Variants in NRF1 observed in about 807,000 individuals in gnomAD.
NRF1 encodes nuclear respiratory factor 1, also known as alpha palindromic-binding protein.
NRF1 carries 5 observed loss-of-function variants against 58.5 expected under a neutral mutation model. The observed-to-expected ratio is 0.09, with a 90% CI of 0.04 to 0.18. The LOEUF is 0.18. Ranked by LOEUF, NRF1 falls within the 10% of genes least tolerant of loss-of-function variation. The probability of loss-of-function intolerance (pLI) is 1.00; values close to 1 mark genes in which losing one functional copy is unlikely to be tolerated. For synonymous variants in NRF1, 224 were observed against 246.7 expected (o/e 0.91, Z 0.86); for missense variants, 288 against 657.7 (o/e 0.44, Z 6.15).
chr7:129,647,277 G>A (rs73159618), intron 1 of NRF1, among the ~76,000 whole-genome samples: 122 of 152,104 alleles, frequency 8.0e-4, no homozygotes, highest in Middle Eastern at 3.4e-3. Context: ...CGATCTGCCC[G>A]CCTCTGGCCT....
intron 3 of NRF1, among the ~76,000 whole-genome samples, chr7:129,674,450 T>G (rs770686010): frequency 6.6e-6 from 1 of 152,166 alleles, no homozygotes; most frequent in East Asian, 1.9e-4. Flanking sequence ...TACTTTTTTT[T>G]TGGAGACAGA....
At chr7:129,673,720 A>AT (rs1802108714) in intron 3 of NRF1, among the ~76,000 whole-genome samples, 1 of 151,292 alleles carries the variant, frequency 6.6e-6, no homozygotes, top group Non-Finnish European at 1.5e-5. Flanking sequence ...CCGTCTCAAA[A>AT]AAAAAAAAAA....
intron 1 of NRF1, among the ~76,000 whole-genome samples, chr7:129,620,255 G>A (rs1584578391): frequency 6.6e-6 from 1 of 152,116 alleles, no homozygotes; most frequent in East Asian, 1.9e-4. Context: ...CCAAAGCAAA[G>A]CTTAACCGAT....
At chr7:129,752,889 G>GGCCTCTCTCCTCCTCCTTTCAGGCCT (rs1472617268) in intron 10 of NRF1, among the ~76,000 whole-genome samples, 3 of 152,106 alleles carry the variant, frequency 2.0e-5, no homozygotes, top group Non-Finnish European at 4.4e-5. Flanking sequence ...CTTGGAGGCT[G>GGCCTCTCTCCTCCTCCTTTCAGGCCT]GCCTCTCTCC....
intron 10 of NRF1, among the ~76,000 whole-genome samples, chr7:129,736,525 G>A (rs1034607122): frequency 6.6e-6 from 1 of 152,040 alleles, no homozygotes; most frequent in African/African-American, 2.4e-5. Context: ...TGGGATTTCA[G>A]GCATGAGCCA....
At chr7:129,735,630 G>T (rs1408916426) in intron 10 of NRF1, among the ~76,000 whole-genome samples, 3 of 151,836 alleles carry the variant, frequency 2.0e-5, no homozygotes, top group Non-Finnish European at 4.4e-5. Flanking sequence ...TATCCTCAGG[G>T]TAGCGTGTCC....
At chr7:129,740,902 G>A (rs1584688416) in intron 10 of NRF1, among the ~76,000 whole-genome samples, 1 of 152,148 alleles carries the variant, frequency 6.6e-6, no homozygotes, top group African/African-American at 2.4e-5. Context: ...ACAATGAGAT[G>A]ATAGGCCAGT....
At chr7:129,649,097 T>G (rs1156474918) in intron 1 of NRF1, among the ~76,000 whole-genome samples, 2 of 152,216 alleles carry the variant, frequency 1.3e-5, no homozygotes, top group Non-Finnish European at 2.9e-5. Context: ...TGATTCTATT[T>G]TCACTCTGAC....
chr7:129,636,600 A>T (rs1801173667), intron 1 of NRF1, among the ~76,000 whole-genome samples: 3 of 152,158 alleles, frequency 2.0e-5, no homozygotes, highest in Admixed American at 1.3e-4. Context: ...TATGCCTGTG[A>T]ACATTTATCT....
intron 1 of NRF1, among the ~76,000 whole-genome samples, chr7:129,626,891 A>T (rs1171737414): frequency 2.6e-5 from 4 of 152,248 alleles, no homozygotes; most frequent in Non-Finnish European, 5.9e-5. Flanking sequence ...ACAAATGTAC[A>T]TCTAATGATT....
At chr7:129,671,783 T>C (rs1802053498) in intron 3 of NRF1, among the ~76,000 whole-genome samples, 1 of 152,234 alleles carries the variant, frequency 6.6e-6, no homozygotes, top group South Asian at 2.1e-4. Context: ...GTGCAAGCCA[T>C]TGTTGTAGAC....
At chr7:129,647,913 G>A (rs940742414) in intron 1 of NRF1, among the ~76,000 whole-genome samples, 2 of 152,182 alleles carry the variant, frequency 1.3e-5, no homozygotes, top group Non-Finnish European at 2.9e-5. Flanking sequence ...AGTTCTTAAC[G>A]TAAGAAGGGA....
intron 10 of NRF1, among the ~76,000 whole-genome samples, chr7:129,749,304 GTGAAGTAAAGGA>G (rs1285638139): frequency 4.6e-5 from 7 of 152,132 alleles, no homozygotes; most frequent in Non-Finnish European, 8.8e-5. Context: ...CATTGGATGT[GTGAAGTAAAGGA>G]TGACTTCAGA....
rs77851031 is a variant in NRF1 at position 129,689,173 on chromosome 7, A to G, written c.466-1233A>G. On this transcript the variant is annotated intron_variant, in intron 4 of 10. Transcript: ENST00000393232. ...CTCTTATCCCCTTAGTTATTGACCT[A>G]TTTGGAGGATTCTTCAACTGCAGAA... Among the ~76,000 whole-genome samples the G allele has an allele frequency of 4.1e-4, 62 of 152,264 alleles. No homozygotes were observed. The East Asian group carries it at 0.012, about 29-fold the overall frequency.
intron 1 of NRF1, among the ~76,000 whole-genome samples, chr7:129,628,969 C>A (rs554613741): frequency 6.6e-6 from 1 of 152,334 alleles, no homozygotes; most frequent in South Asian, 2.1e-4. Flanking sequence ...TCTTTAACAT[C>A]ACCACCAGTC....
chr7:129,733,461 G>A (rs1201195935), intron 10 of NRF1, among the ~76,000 whole-genome samples: 7 of 104,028 alleles, frequency 6.7e-5, no homozygotes, highest in African/African-American at 1.2e-4. Context: ...GCGAGACTCC[G>A]TCTCAAAAAA....
chr7:129,749,179 C>T (rs1311741381), intron 10 of NRF1, among the ~76,000 whole-genome samples: 1 of 152,132 alleles, frequency 6.6e-6, no homozygotes, highest in Non-Finnish European at 1.5e-5. Flanking sequence ...CTCTGGCAGG[C>T]GCTAAAGTAG....
intron 1 of NRF1, among the ~76,000 whole-genome samples, chr7:129,638,284 A>C (rs1041174205): frequency 3.3e-5 from 5 of 152,136 alleles, no homozygotes; most frequent in African/African-American, 1.2e-4. Context: ...TTTCATAGTT[A>C]CAAGTCTGTT....
intron 10 of NRF1, among the ~76,000 whole-genome samples, chr7:129,740,591 G>A (rs146702435): frequency 1.3e-5 from 2 of 152,332 alleles, no homozygotes; most frequent in East Asian, 3.9e-4. Context: ...CCCCGTAGCT[G>A]GAGGGATTTC....
Sources: gnomAD v4.1 joint callset for allele counts (sites outside exome capture counted in the v4.1 genomes callset) on GRCh38, gnomAD v4.1.1 for gene constraint, MANE v1.5 for transcripts, NCBI Gene and HGNC (gene_info 2026-07-23, HGNC 2026-07-21) for gene names.